The following CCDC91 variants were observed in gnomAD, a reference collection of about 807,000 sequenced individuals.
The protein encoded by CCDC91 is coiled-coil domain-containing protein 91.
Under a neutral mutation model 63.2 loss-of-function variants are expected in CCDC91, and 48 were observed. The observed-to-expected ratio is 0.76, with a 90% CI of 0.60 to 0.97. The LOEUF is 0.97. Ranked by LOEUF, CCDC91 falls within the 50% of genes least tolerant of loss-of-function variation. The pLI is 0.00. For missense variants in CCDC91, 500 were observed against 494.6 expected, an observed-to-expected ratio of 1.01 and a Z score of -0.10; for synonymous variants, 167 against 165.8, an observed-to-expected ratio of 1.01 and a Z score of -0.06.
intron 11 of CCDC91, among the ~76,000 whole-genome samples, chr12:28,462,634 T>C (rs1950361445): frequency 1.3e-5 from 2 of 152,176 alleles, no homozygotes; most frequent in Admixed American, 6.5e-5. Flanking sequence ...TTCATTATGA[T>C]GAACTGTGCA....
intron 6 of CCDC91, among the ~76,000 whole-genome samples, chr12:28,310,627 G>A (rs1483980816): frequency 6.6e-6 from 1 of 152,000 alleles, no homozygotes; most frequent in Admixed American, 6.6e-5. Flanking sequence ...TAGCCAAATC[G>A]AAGTTAAAGT....
intron 11 of CCDC91, among the ~76,000 whole-genome samples, chr12:28,474,397 T>C (rs1022076695): frequency 1.6e-4 from 25 of 152,058 alleles, no homozygotes; most frequent in Admixed American, 2.6e-4. Flanking sequence ...AAATATTCTC[T>C]TTTTTTCAAC....
chr12:28,491,711 A>G lies in CCDC91; in HGVS notation c.1215+7546A>G, dbSNP rs141112858. Among the ~76,000 whole-genome samples, 430 of 151,910 alleles carry G rather than the reference A, an allele frequency of 2.8e-3. 6 individuals are homozygous for G. Among genetic ancestry groups the G allele is most frequent in the African/African-American group, 9.6e-3 (399 of 41,492 alleles). On this transcript the variant is annotated intron_variant, in intron 12 of 12. Coordinates refer to ENST00000536442, the MANE Select transcript of CCDC91 (RefSeq NM_018318.5). ...TATAAAAATTTTTGTAAAGAAGTCT[A>G]TTTTCTAGATTCTTGATATACCTTT...
intron 1 of CCDC91, among the ~76,000 whole-genome samples, chr12:28,228,992 T>C (rs1447764154): frequency 6.6e-6 from 1 of 152,054 alleles, no homozygotes; most frequent in African/African-American, 2.4e-5. Flanking sequence ...CATAAAAGTA[T>C]CTTATTTTAT....
At chr12:28,528,995 A>G (rs1029132503) in intron 12 of CCDC91, among the ~76,000 whole-genome samples, 14 of 152,066 alleles carry the variant, frequency 9.2e-5, no homozygotes, top group South Asian at 8.3e-4. Context: ...ATATTTTGCT[A>G]TATCTGTTTC....
chr12:28,433,672 T>C (rs529170379), intron 8 of CCDC91, among the ~76,000 whole-genome samples: 1 of 152,088 alleles, frequency 6.6e-6, no homozygotes, highest in East Asian at 1.9e-4. Flanking sequence ...CTTTCAGTAT[T>C]GTATTGGCTA....
In CCDC91 at chr12:28,484,025, G is replaced by T; in HGVS notation, c.1102-27G>T. 3 of 1,420,140 alleles carry T rather than the reference G, an allele frequency of 2.1e-6. No homozygotes were observed. In the South Asian group the frequency reaches 3.6e-5, roughly 17 times the overall value. 88.0% of individuals were successfully genotyped at this position (1,420,140 alleles called of 1,614,324 possible). ...GATATGTCATAGTGCTCACCTCCCT[G>T]ACTGTTTTGCCTTCTCCCACAAACA... is the stretch of plus-strand genomic sequence containing the variant. On this transcript the variant is annotated intron_variant, in intron 11 of 12. Transcript: ENST00000536442.
intron 3 of CCDC91, among the ~76,000 whole-genome samples, chr12:28,269,563 C>A (rs1172031576): frequency 1.3e-5 from 2 of 152,094 alleles, no homozygotes. Context: ...ACCCTGCCAC[C>A]CATGACTCCA....
intron 1 of CCDC91, among the ~76,000 whole-genome samples, chr12:28,190,956 C>T (rs751116862): frequency 6.6e-6 from 1 of 152,236 alleles, no homozygotes; most frequent in Non-Finnish European, 1.5e-5. Flanking sequence ...TATTGTGTCA[C>T]CGAAGCGCCT....
intron 7 of CCDC91, among the ~76,000 whole-genome samples, chr12:28,374,536 G>A (rs894819558): frequency 6.6e-6 from 1 of 151,974 alleles, no homozygotes; most frequent in Non-Finnish European, 1.5e-5. Flanking sequence ...TTTCCTCATG[G>A]ATAATCGGAT....
chr12:28,469,943 T>G (rs1950730135), intron 11 of CCDC91, among the ~76,000 whole-genome samples: 1 of 152,126 alleles, frequency 6.6e-6, no homozygotes, highest in Non-Finnish European at 1.5e-5. Flanking sequence ...CAAAATGGAT[T>G]AAAGACTTAA....
intron 12 of CCDC91, among the ~76,000 whole-genome samples, chr12:28,502,703 C>CA (rs1220708140): frequency 7.3e-5 from 11 of 151,530 alleles, no homozygotes; most frequent in Non-Finnish European, 7.4e-5. Flanking sequence ...CTACAATAAC[C>CA]AAAACAGCAT....
intron 3 of CCDC91, among the ~76,000 whole-genome samples, chr12:28,299,472 G>A (rs1210897520): frequency 6.6e-6 from 1 of 151,450 alleles, no homozygotes; most frequent in Non-Finnish European, 1.5e-5. Context: ...TTATTCATTT[G>A]CAAGTTCATT....
At chr12:28,331,995 T>C (rs1941557185) in intron 6 of CCDC91, among the ~76,000 whole-genome samples, 1 of 152,174 alleles carries the variant, frequency 6.6e-6, no homozygotes, top group Non-Finnish European at 1.5e-5. Flanking sequence ...AATCCTTCTT[T>C]AAAAGAATTG....
intron 8 of CCDC91, among the ~76,000 whole-genome samples, chr12:28,437,397 T>C (rs182745044): frequency 6.6e-6 from 1 of 152,228 alleles, no homozygotes; most frequent in Admixed American, 6.6e-5. Flanking sequence ...ATATTGTTTT[T>C]ATTCCTTTGT....
In CCDC91 at chr12:28,542,006, T is replaced by G. The variant is rs77317770; in HGVS notation, c.1216-7057T>G. Among the ~76,000 whole-genome samples, 1,426 of 152,228 alleles carry G rather than the reference T, an allele frequency of 9.4e-3. 28 individuals are homozygous for G. The highest frequency in any genetic ancestry group is 0.033 in the African/African-American group (1,386 of 41,564). ...TCTAAAATTCTAAATCTATGGCTTT[T>G]GTTTTTTAAGTTGTTTTGGAAATTT... On this transcript the variant is annotated intron_variant, in intron 12 of 12. Transcript: ENST00000536442.
chr12:28,525,590 A>G (rs999831606), intron 12 of CCDC91, among the ~76,000 whole-genome samples: 11 of 152,148 alleles, frequency 7.2e-5, no homozygotes, highest in African/African-American at 2.7e-4. Flanking sequence ...GTTGGGTAGA[A>G]CGTTCTGTAA....
At chr12:28,223,642 T>C (rs1481676611) in intron 1 of CCDC91, among the ~76,000 whole-genome samples, 5 of 152,224 alleles carry the variant, frequency 3.3e-5, no homozygotes, top group Non-Finnish European at 7.3e-5. Context: ...TAGGCTATTA[T>C]TATGTAATTT....
At chr12:28,455,261 A>G (rs947007964) in intron 11 of CCDC91, among the ~76,000 whole-genome samples, 3 of 152,136 alleles carry the variant, frequency 2.0e-5, no homozygotes, top group African/African-American at 7.2e-5. Context: ...TTAATTAATC[A>G]TATTAGTTTC....
Sources: allele counts gnomAD v4.1 joint callset (sites outside exome capture counted in the v4.1 genomes callset), GRCh38; gene constraint gnomAD v4.1.1; transcripts MANE v1.5; gene names NCBI Gene and HGNC (gene_info 2026-07-23, HGNC 2026-07-21).